THSD4: variants seen among roughly 807,000 people sequenced by gnomAD.
THSD4 encodes thrombospondin type 1 domain containing 4.
A neutral mutation model predicts 119.0 loss-of-function variants in THSD4; 69 were observed. That is an observed-to-expected ratio of 0.58 (90% CI 0.48 to 0.71). The LOEUF is 0.71. Among genes scored for constraint, THSD4 ranks in the 30% least tolerant of loss-of-function variants. The pLI is 0.00. For synonymous variants in THSD4, 524 were observed against 540.4 expected, an observed-to-expected ratio of 0.97 and a Z score of 0.42; for missense variants, 1,393 against 1,391.1, an observed-to-expected ratio of 1.00 and a Z score of -0.02.
At chr15:71,689,389 G>T (rs554668969) in intron 8 of THSD4, among the ~76,000 whole-genome samples, 2 of 152,290 alleles carry the variant, frequency 1.3e-5, no homozygotes, top group Admixed American at 1.3e-4. Flanking sequence ...CTCTGATCTT[G>T]AGCATTGTTA....
intron 7 of THSD4, among the ~76,000 whole-genome samples, chr15:71,643,710 A>G (rs8038916): frequency 0.3 from 45,182 of 152,130 alleles, 7,257 homozygotes; most frequent in East Asian, 0.64. Context: ...CATTTAGTGA[A>G]CATGTGGCTA....
intron 3 of THSD4, among the ~76,000 whole-genome samples, chr15:71,173,565 C>CAT (rs1161825798): frequency 1.1e-5 from 1 of 92,570 alleles, no homozygotes; most frequent in African/African-American, 3.1e-5. Flanking sequence ...CACACACACA[C>CAT]ACATATATAT....
intron 7 of THSD4, among the ~76,000 whole-genome samples, chr15:71,447,277 C>T (rs113724410): frequency 7.2e-5 from 11 of 152,044 alleles, no homozygotes; most frequent in African/African-American, 2.2e-4. Flanking sequence ...TGTGCCACCT[C>T]GCCCAGCTAA....
chr15:71,131,268 T>C (rs2040501503), intron 1 of THSD4, among the ~76,000 whole-genome samples: 1 of 152,040 alleles, frequency 6.6e-6, no homozygotes, highest in African/African-American at 2.4e-5. Flanking sequence ...AAATAATTGA[T>C]TTAAAGACAC....
At chr15:71,572,018 T>C (rs1334483033) in intron 7 of THSD4, among the ~76,000 whole-genome samples, 5 of 152,242 alleles carry the variant, frequency 3.3e-5, no homozygotes, top group Admixed American at 3.3e-4. Flanking sequence ...AAATGTTTAT[T>C]TATCTTTTGT....
intron 3 of THSD4, among the ~76,000 whole-genome samples, chr15:71,193,299 G>C (rs1429483681): frequency 6.6e-6 from 1 of 152,156 alleles, no homozygotes; most frequent in Non-Finnish European, 1.5e-5. Flanking sequence ...TGGGGTGGTG[G>C]TAGAGACGTG....
At chr15:71,413,672 G>T in intron 7 of THSD4, among the ~76,000 whole-genome samples, 1 of 152,180 alleles carries the variant, frequency 6.6e-6, no homozygotes, top group East Asian at 1.9e-4. Flanking sequence ...AAAGGAACAA[G>T]GTGTCACTTG....
At chr15:71,355,181 A>G (rs929105220) in intron 6 of THSD4, among the ~76,000 whole-genome samples, 6 of 152,216 alleles carry the variant, frequency 3.9e-5, no homozygotes. Context: ...TGCAGATCAA[A>G]TCATGTTTCA....
intron 3 of THSD4, among the ~76,000 whole-genome samples, chr15:71,172,413 C>A (rs1382927483): frequency 2.0e-5 from 3 of 151,826 alleles, no homozygotes; most frequent in African/African-American, 7.3e-5. Flanking sequence ...TAACCATTCT[C>A]TTCAAATTGA....
intron 7 of THSD4, among the ~76,000 whole-genome samples, chr15:71,595,339 T>A (rs1010631115): frequency 3.3e-5 from 5 of 152,162 alleles, no homozygotes; most frequent in African/African-American, 1.2e-4. Context: ...CAGGAGGTAA[T>A]TTAATGATGG....
intron 12 of THSD4, among the ~76,000 whole-genome samples, chr15:71,745,477 T>A (rs2053318126): frequency 6.6e-6 from 1 of 152,062 alleles, no homozygotes; most frequent in African/African-American, 2.4e-5. Flanking sequence ...GCTGGAGCAA[T>A]TAGGTTTGAG....
At chr15:71,326,222 G>C (rs372863652) in intron 6 of THSD4, among the ~76,000 whole-genome samples, 1 of 152,092 alleles carries the variant, frequency 6.6e-6, no homozygotes, top group East Asian at 1.9e-4. Context: ...ACAATGTGGA[G>C]ATAAAAAATG....
intron 6 of THSD4, among the ~76,000 whole-genome samples, chr15:71,333,796 A>G (rs1422598985): frequency 6.6e-6 from 1 of 152,234 alleles, no homozygotes; most frequent in African/African-American, 2.4e-5. Flanking sequence ...CAAGCAGACA[A>G]CAAACCTTTT....
intron 7 of THSD4, among the ~76,000 whole-genome samples, chr15:71,635,122 G>A (rs1206511048): frequency 6.6e-6 from 1 of 152,146 alleles, no homozygotes; most frequent in African/African-American, 2.4e-5. Flanking sequence ...CATTAATTAA[G>A]GCCAGATTTG....
At position 71,650,069 on chromosome 15, in the gene THSD4, A is replaced by G. The variant is rs532888165; in HGVS notation, c.1153-10461A>G. On this transcript the variant is annotated intron_variant, in intron 7 of 17. Coordinates refer to ENST00000261862, the MANE Select transcript of THSD4 (RefSeq NM_024817.3). ...GAATGTCTCTGAGTCATCTAGAGCA[A>G]GAGTCAGCAAGTTATAGCCCATGGG... Among the ~76,000 whole-genome samples the G allele has an allele frequency of 1.4e-4, 22 of 152,322 alleles. No homozygotes were observed. The South Asian group carries it at 3.1e-3, about 22-fold the overall frequency.
chr15:71,351,141 G>A (rs1169629798), intron 6 of THSD4, among the ~76,000 whole-genome samples: 2 of 152,134 alleles, frequency 1.3e-5, no homozygotes, highest in Non-Finnish European at 2.9e-5. Flanking sequence ...TCTGCATTCT[G>A]TGGGAAAACA....
chr15:71,742,487 TTACCTGTG>T (rs1411399035), intron 11 of THSD4, among the ~76,000 whole-genome samples: 1 of 152,256 alleles, frequency 6.6e-6, no homozygotes, highest in Middle Eastern at 3.2e-3. Flanking sequence ...TATCTGCTAA[TTACCTGTG>T]TACAGTTCCC....
intron 7 of THSD4, among the ~76,000 whole-genome samples, chr15:71,612,496 A>G (rs11858418): frequency 0.17 from 25,911 of 152,230 alleles, 2,928 homozygotes; most frequent in East Asian, 0.53. Flanking sequence ...GAGGTTGCTC[A>G]GGTTGTTAAT....
At chr15:71,335,253 T>A (rs760626799) in intron 6 of THSD4, among the ~76,000 whole-genome samples, 6 of 151,800 alleles carry the variant, frequency 4.0e-5, no homozygotes, top group Non-Finnish European at 7.4e-5. Context: ...CCCCAGCAAC[T>A]TCTTCTGCTT....
Sources: gnomAD v4.1 joint callset for allele counts (sites outside exome capture counted in the v4.1 genomes callset) on GRCh38, gnomAD v4.1.1 for gene constraint, MANE v1.5 for transcripts, NCBI Gene and HGNC (gene_info 2026-07-23, HGNC 2026-07-21) for gene names.